The following TRAPPC9 variants were observed in gnomAD, a reference collection of about 807,000 sequenced individuals.
TRAPPC9 encodes the protein trafficking protein particle complex subunit 9.
A neutral mutation model predicts 124.0 loss-of-function variants in TRAPPC9; 83 were observed. That is an observed-to-expected ratio of 0.67 (90% confidence interval 0.56 to 0.80). The LOEUF (loss-of-function observed/expected upper bound fraction) is 0.80, where lower values mean the gene tolerates loss of function less well. Ranked by LOEUF, TRAPPC9 falls within the 30% of genes least tolerant of loss-of-function variation. TRAPPC9 has a pLI of 0.00. For missense variants in TRAPPC9, 1,302 were observed against 1,508.3 expected (o/e 0.86, Z 2.27); for synonymous variants, 638 against 617.5 (o/e 1.03, Z -0.49).
At chr8:140,408,137 C>A (rs919271525) in intron 5 of TRAPPC9, among the ~76,000 whole-genome samples, 1 of 152,120 alleles carries the variant, frequency 6.6e-6, no homozygotes, top group Admixed American at 6.6e-5. Context: ...GTTGTGACAG[C>A]CCGTATGAGA....
intron 21 of TRAPPC9, among the ~76,000 whole-genome samples, chr8:139,855,319 C>G (rs751545150): frequency 6.6e-6 from 1 of 152,192 alleles, no homozygotes; most frequent in South Asian, 2.1e-4. Context: ...TAGAATCCCA[C>G]GCTGCTCCCA....
chr8:140,151,729 CTT>C (rs2061546557), intron 17 of TRAPPC9, among the ~76,000 whole-genome samples: 1 of 152,196 alleles, frequency 6.6e-6, no homozygotes, highest in African/African-American at 2.4e-5. Context: ...CCATAATACT[CTT>C]TCAGTTCCTG....
At chr8:139,809,520 G>A (rs11778451) in intron 21 of TRAPPC9, among the ~76,000 whole-genome samples, 125 of 152,202 alleles carry the variant, frequency 8.2e-4, no homozygotes, top group Non-Finnish European at 1.3e-3. Flanking sequence ...GGGGGCCTGG[G>A]CAATCGCCTC....
chr8:139,741,146 A>C, intron 21 of TRAPPC9, among the ~76,000 whole-genome samples: 1 of 151,360 alleles, frequency 6.6e-6, no homozygotes, highest in African/African-American at 2.4e-5. Flanking sequence ...TGGGCGTGAC[A>C]CTCCCCATTG....
At chr8:140,249,169 C>A (rs530107450) in intron 16 of TRAPPC9, among the ~76,000 whole-genome samples, 47 of 142,846 alleles carry the variant, frequency 3.3e-4, no homozygotes, top group African/African-American at 1.2e-3. Flanking sequence ...TTTTTCCCTC[C>A]CTGACCCCTC....
At chr8:139,881,020 A>G (rs1229604476) in intron 21 of TRAPPC9, 1 of 152,220 alleles carries the variant, frequency 6.6e-6, no homozygotes, top group Non-Finnish European at 1.5e-5. Flanking sequence ...GGATAAAGGG[A>G]TTATATTCGC....
intron 11 of TRAPPC9, among the ~76,000 whole-genome samples, chr8:140,297,349 G>GACAC: frequency 1.3e-5 from 2 of 151,660 alleles, no homozygotes; most frequent in South Asian, 4.2e-4. Flanking sequence ...CACATGCATA[G>GACAC]ACACACACAC....
chr8:140,279,428 A>G (rs1002406023), intron 14 of TRAPPC9, among the ~76,000 whole-genome samples: 1 of 152,236 alleles, frequency 6.6e-6, no homozygotes, highest in African/African-American at 2.4e-5. Flanking sequence ...TCAAAACTCA[A>G]AGAATAGTCA....
intron 19 of TRAPPC9, among the ~76,000 whole-genome samples, chr8:139,937,965 C>T (rs965625190): frequency 1.3e-5 from 2 of 152,000 alleles, no homozygotes; most frequent in Middle Eastern, 3.2e-3. Flanking sequence ...CCTGAGTCTT[C>T]GGGGATTTGA....
intron 17 of TRAPPC9, among the ~76,000 whole-genome samples, chr8:140,184,589 C>T (rs904126006): frequency 6.6e-6 from 1 of 152,112 alleles, no homozygotes; most frequent in African/African-American, 2.4e-5. Context: ...GAGTAAGCCA[C>T]CATGCCTGAC....
intron 9 of TRAPPC9, among the ~76,000 whole-genome samples, chr8:140,326,785 G>A (rs1019048591): frequency 2.6e-5 from 4 of 152,196 alleles, no homozygotes; most frequent in Non-Finnish European, 5.9e-5. Context: ...GAGGGCTGAG[G>A]TGGGAGGATC....
chr8:140,335,701 C>T (rs946004436), intron 9 of TRAPPC9, among the ~76,000 whole-genome samples: 1 of 123,640 alleles, frequency 8.1e-6, no homozygotes, highest in Non-Finnish European at 1.6e-5. Context: ...CATAAGTCTT[C>T]ACAATTTTTT....
intron 7 of TRAPPC9, among the ~76,000 whole-genome samples, chr8:140,376,532 G>C (rs968069090): frequency 5.1e-5 from 7 of 138,258 alleles, no homozygotes; most frequent in African/African-American, 1.7e-4. Context: ...CTCTAGCCTG[G>C]GCACAGAGCA....
At chr8:139,986,485 G>A (rs1837245006) in intron 19 of TRAPPC9, among the ~76,000 whole-genome samples, 1 of 152,032 alleles carries the variant, frequency 6.6e-6, no homozygotes, top group East Asian at 1.9e-4. Flanking sequence ...TCAAATATAA[G>A]GTGAAAAAGA....
chr8:139,846,382 A>G (rs1827085994), intron 21 of TRAPPC9, among the ~76,000 whole-genome samples: 1 of 152,204 alleles, frequency 6.6e-6, no homozygotes, highest in African/African-American at 2.4e-5. Context: ...TTTCCTATCC[A>G]TGGCCCACGA....
intron 5 of TRAPPC9, among the ~76,000 whole-genome samples, chr8:140,414,853 T>G (rs1388225551): frequency 6.6e-6 from 1 of 152,088 alleles, no homozygotes; most frequent in Non-Finnish European, 1.5e-5. Context: ...GCAATTCTCC[T>G]GCCTCAGCCT....
chr8:140,267,022 C>T (rs2064690828), intron 15 of TRAPPC9, among the ~76,000 whole-genome samples: 1 of 152,064 alleles, frequency 6.6e-6, no homozygotes, highest in Non-Finnish European at 1.5e-5. Context: ...ACTTAAAATG[C>T]AGGGGATTTT....
chr8:140,080,421 G>A (rs1843747470), intron 17 of TRAPPC9, among the ~76,000 whole-genome samples: 2 of 152,254 alleles, frequency 1.3e-5, no homozygotes, highest in Admixed American at 6.5e-5. Flanking sequence ...TCTGGTAGCT[G>A]GAATGTCCAC....
Position 140,019,542 on chromosome 8 carries a change from C to CTTTT in TRAPPC9, c.2699+4391_2699+4394dup, listed in dbSNP as rs71320340. Among the ~76,000 whole-genome samples, 134 of 43,866 alleles carry CTTTT rather than the reference C, an allele frequency of 3.1e-3. 38 individuals are homozygous for CTTTT. Among genetic ancestry groups the CTTTT allele is most frequent in the African/African-American group, 7.6e-3 (83 of 10,878 alleles). 28.8% of individuals were successfully genotyped at this position (43,866 alleles called of 152,430 possible). On this transcript the variant is annotated intron_variant, in intron 18 of 22. Coordinates refer to ENST00000438773, the MANE Select transcript of TRAPPC9 (RefSeq NM_001160372.4). ...CTGTGTCAATTTTAGTAATTTGTGT[C>CTTTT]TTTTTTTTTTTTTTTTTTTTTTTTT...
Sources: gnomAD v4.1 joint callset for allele counts (sites outside exome capture counted in the v4.1 genomes callset) on GRCh38, gnomAD v4.1.1 for gene constraint, MANE v1.5 for transcripts, NCBI Gene and HGNC (gene_info 2026-07-23, HGNC 2026-07-21) for gene names.